The following ZNF483 variants were observed in gnomAD, a reference collection of about 807,000 sequenced individuals.
ZNF483 encodes the protein zinc finger protein HIT-10.
Under a neutral mutation model 28.6 loss-of-function variants are expected in ZNF483, and 9 were observed. The observed-to-expected ratio is 0.32, with a 90% CI of 0.19 to 0.55. The LOEUF (loss-of-function observed/expected upper bound fraction) is 0.55. ZNF483 is among the 20% of genes least tolerant of loss of function. The pLI is 0.93. For missense variants in ZNF483, 675 were observed against 871.7 expected, an observed-to-expected ratio of 0.77 and a Z score of 2.84; for synonymous variants, 322 against 306.2, an observed-to-expected ratio of 1.05 and a Z score of -0.54.
At chr9:111,560,342 TG>T (rs1828236793), downstream of ZNF483, among the ~76,000 whole-genome samples, 1 of 151,038 alleles carries the variant, frequency 6.6e-6, no homozygotes, top group South Asian at 2.1e-4. Context: ...GGCGTGGTGG[TG>T]GGCGCCTGTA....
chr9:111,532,718 A>G (rs1273391947), intron 3 of ZNF483, among the ~76,000 whole-genome samples: 1 of 152,164 alleles, frequency 6.6e-6, no homozygotes, highest in Admixed American at 6.6e-5. Flanking sequence ...ACTGCCTTAT[A>G]AAAAGCATGC....
intron 3 of ZNF483, among the ~76,000 whole-genome samples, chr9:111,531,480 G>A (rs1224146710): frequency 2.0e-5 from 3 of 151,950 alleles, no homozygotes; most frequent in Non-Finnish European, 4.4e-5. Flanking sequence ...AGGTTCAAGC[G>A]ATTCTCCTGC....
At chr9:111,564,494 C>T (rs888601790) in intron 5 of ZNF483, among the ~76,000 whole-genome samples, 44 of 151,554 alleles carry the variant, frequency 2.9e-4, no homozygotes, top group South Asian at 1.0e-3. Flanking sequence ...TTTGTAGAGA[C>T]GGGGTCTTGC....
chr9:111,568,390 G>A (rs899330950), intron 5 of ZNF483, among the ~76,000 whole-genome samples: 1 of 152,048 alleles, frequency 6.6e-6, no homozygotes, highest in African/African-American at 2.4e-5. Context: ...TATTAGGGTG[G>A]GGGAAAAACT....
intron 2 of ZNF483, among the ~76,000 whole-genome samples, chr9:111,528,235 G>T (rs1027030235): frequency 5.9e-5 from 9 of 152,190 alleles, no homozygotes; most frequent in Non-Finnish European, 1.2e-4. Flanking sequence ...GAGTGTCTTT[G>T]CTGATGGAAA....
At chr9:111,568,385 G>A (rs1828666412) in intron 5 of ZNF483, among the ~76,000 whole-genome samples, 1 of 152,144 alleles carries the variant, frequency 6.6e-6, no homozygotes, top group African/African-American at 2.4e-5. Flanking sequence ...AGGCTTATTA[G>A]GGTGGGGGAA....
At chr9:111,574,182 C>T (rs1377692081) in intron 5 of ZNF483, 1 of 152,162 alleles carries the variant, frequency 6.6e-6, no homozygotes, top group Admixed American at 6.6e-5. Context: ...CAAATCATCA[C>T]TGTCTTTTTA....
chr9:111,570,173 C>T lies in ZNF483; in HGVS notation c.722-6192C>T, dbSNP rs149211975. 325 of 1,613,890 alleles carry T rather than the reference C, an allele frequency of 2.0e-4. No homozygotes were observed. The highest frequency in any genetic ancestry group is 2.7e-4 in the Non-Finnish European group (314 of 1,180,006). ...GCGGTAGACGACAAAAGCTTCCATG[C>T]GAAGCTCCTGATAGATAACAATCTC... On this transcript the variant is annotated intron_variant, in intron 5 of 5. Coordinates refer to the ZNF483 transcript ENST00000358151.
At chr9:111,561,488 C>T (rs1273601537) in intron 5 of ZNF483, among the ~76,000 whole-genome samples, 1 of 152,132 alleles carries the variant, frequency 6.6e-6, no homozygotes, top group African/African-American at 2.4e-5. Flanking sequence ...TGGTCTCAAA[C>T]TCCTGGACTC....
At chr9:111,527,238 A>G (rs1564589174) in intron 1 of ZNF483, 30 bp from the exon 2 acceptor site, 1 of 716,018 alleles carries the variant, frequency 1.4e-6, no homozygotes, top group South Asian at 2.7e-5. Context: ...TTTTTTACTT[A>G]TTTAATGCCT....
chr9:111,568,275 G>A (rs1167881090), intron 5 of ZNF483, among the ~76,000 whole-genome samples: 5 of 152,122 alleles, frequency 3.3e-5, no homozygotes, highest in Non-Finnish European at 5.9e-5. Flanking sequence ...GGGAAGGAAT[G>A]CATTCCTGGG....
In ZNF483 at chr9:111,541,992, A is replaced by G. The variant is rs780764939; in HGVS notation, c.1057A>G (p.Thr353Ala). 4.3e-6 allele frequency: 7 copies of G among 1,614,118 alleles called. No homozygotes were observed. Among genetic ancestry groups the G allele is most frequent in the Non-Finnish European group, 5.9e-6 (7 of 1,180,000 alleles). ...SDLVLNRKEK[T>A]AGEKSRKSND... Reference sequence around the variant, plus strand: ...CCTTGTTCTGAACCGCAAGGAGAAAACCGCCGGAGAAAAGTCACGGAAATC... The same window carrying G: ...CCTTGTTCTGAACCGCAAGGAGAAAGCCGCCGGAGAAAAGTCACGGAAATC... The change falls in exon 6 of 6, where the codon ACC becomes GCC. Residue 353 changes from threonine (T) to alanine (A), a missense_variant. Thr to Ala is a moderately conservative substitution (Grantham distance 58). Around this residue, in one of 6 missense-constraint regions of ZNF483, gnomAD observed 525 missense variants for 581.8 expected, o/e 0.90. Coordinates refer to ENST00000309235, the MANE Select transcript of ZNF483 (RefSeq NM_133464.5).
At chr9:111,537,576 G>A (rs1827545339) in intron 5 of ZNF483, among the ~76,000 whole-genome samples, 1 of 152,078 alleles carries the variant, frequency 6.6e-6, no homozygotes, top group East Asian at 1.9e-4. Context: ...CCAACAAGAG[G>A]TGCCTATGAA....
At chr9:111,534,190 C>A in intron 4 of ZNF483, 71 bp from the exon 5 acceptor site, 1 of 1,254,218 alleles carries the variant, frequency 8.0e-7, no homozygotes, top group Non-Finnish European at 1.2e-6. Context: ...GAACCAGAGG[C>A]TATATGTGAA....
At chr9:111,561,170 AGAGAGAGAAAGAG>A (rs1564608192) in intron 5 of ZNF483, among the ~76,000 whole-genome samples, 1 of 140,506 alleles carries the variant, frequency 7.1e-6, no homozygotes, top group Admixed American at 7.2e-5. Flanking sequence ...AGAGAGAGAG[AGAGAGAGAAAGAG>A]AGAGAGATTC....
chr9:111,571,605 G>A lies in ZNF483; in HGVS notation c.722-4760G>A, dbSNP rs1324362127. ...TGATCTTCCCACCTCCGCCCTGCAA[G>A]TAGCTGGGACTATAGGTGCATGCCA... On this transcript the variant is annotated intron_variant, in intron 5 of 5. Transcript: ENST00000358151. Among the ~76,000 whole-genome samples, 3 of 151,972 alleles carry A rather than the reference G, an allele frequency of 2.0e-5. 1 individual carries two copies. Among genetic ancestry groups the A allele is most frequent in the Non-Finnish European group, 1.5e-5 (1 of 67,984 alleles).
Position 111,543,011 on chromosome 9 carries a change from G to C in ZNF483, c.2076G>C (p.Glu692Asp). 1 of 1,614,188 alleles carries C rather than the reference G, an allele frequency of 6.2e-7. No individual in the cohort carries two copies. The highest frequency in any genetic ancestry group is 1.3e-5 in the African/African-American group (1 of 75,070). ...HRIHTGEKPY[E>D]CNYCGATFSR... is the part of the protein sequence containing the mutation. ...TTCATACAGGAGAGAAACCCTATGA[G>C]TGTAACTATTGTGGTGCAACCTTTA... Residue 692 changes from glutamate (E) to aspartate (D), a missense_variant, in exon 6 of 6, where the codon GAG (glutamate) becomes GAC (aspartate). By Grantham distance (45) the Glu-to-Asp change is conservative (BLOSUM62 2). Around this residue, in one of 6 missense-constraint regions of ZNF483, gnomAD observed 55 missense variants for 72.4 expected, o/e 0.76. Coordinates refer to ENST00000309235, the MANE Select transcript of ZNF483 (RefSeq NM_133464.5).
At position 111,542,654 on chromosome 9, in the gene ZNF483, T is replaced by TGA; in HGVS notation, c.1719_1720insGA (p.Thr574GlufsTer42). 6.2e-7 allele frequency: 1 copy of TGA among 1,614,006 alleles called. No individual in the cohort carries two copies. Among genetic ancestry groups the TGA allele is most frequent in the African/African-American group, 1.3e-5 (1 of 75,016 alleles). On this transcript the variant is annotated frameshift_variant, in exon 6 of 6. Transcript: ENST00000309235. LOFTEE classifies it low-confidence loss of function (END_TRUNC). The surrounding 1 kb of genome is among the most constrained non-coding windows in gnomAD (Gnocchi z 6.2). ...CCCTTTCCAAACATCAGAGAATTCA[T>TGA]ACTGGAGAGAAACCCTATAAATGTG... is the stretch of plus-strand genomic sequence containing the variant.
rs1317252565 is a variant in ZNF483, at chr9:111,547,553, T to G, written c.*4383T>G. On this transcript the variant is annotated 3_prime_UTR_variant, in exon 6 of 6. Coordinates refer to ENST00000309235, the MANE Select transcript of ZNF483 (RefSeq NM_133464.5). ...ATATCCAGAATATATAAAGAACTTT[T>G]CAGATAAATGATTTGCAAATACTTT... Among the ~76,000 whole-genome samples, 2 of 152,186 alleles carry G rather than the reference T, an allele frequency of 1.3e-5. No individual in the cohort carries two copies. Among genetic ancestry groups the G allele is most frequent in the African/African-American group, 2.4e-5 (1 of 41,468 alleles).
Sources: gnomAD v4.1 joint callset for allele counts (sites outside exome capture counted in the v4.1 genomes callset) on GRCh38, gnomAD v4.1.1 for gene constraint, gnomAD v4.1.1 regional missense constraint, Gnocchi (gnomAD v3.1) non-coding constraint, MANE v1.5 for transcripts, NCBI Gene and HGNC (gene_info 2026-07-23, HGNC 2026-07-21) for gene names.